The following CPEB3 variants were observed in gnomAD, a reference collection of about 807,000 sequenced individuals.
CPEB3 encodes cytoplasmic polyadenylation element-binding protein 3.
In CPEB3, 20 loss-of-function variants were observed where a neutral mutation model predicts 67.2. That is an observed-to-expected ratio of 0.30 (90% CI 0.21 to 0.43). The LOEUF (loss-of-function observed/expected upper bound fraction) is 0.43. Among genes scored for constraint, CPEB3 ranks in the 20% least tolerant of loss-of-function variants. The pLI is 1.00. For synonymous variants in CPEB3, 376 were observed against 393.1 expected, an observed-to-expected ratio of 0.96 and a Z score of 0.51; for missense variants, 746 against 968.6, an observed-to-expected ratio of 0.77 and a Z score of 3.05.
At chr10:92,125,563 G>C (rs1845573845) in intron 6 of CPEB3, among the ~76,000 whole-genome samples, 1 of 152,194 alleles carries the variant, frequency 6.6e-6, no homozygotes, top group South Asian at 2.1e-4. Context: ...AAGGCTCAGG[G>C]TGGACAGGCA....
chr10:92,131,999 T>A (rs1845865408), intron 6 of CPEB3, among the ~76,000 whole-genome samples: 1 of 152,224 alleles, frequency 6.6e-6, no homozygotes. Context: ...AATTTTAATA[T>A]CTTATTTAAT....
chr10:92,102,290 C>G (rs976275578), intron 7 of CPEB3, among the ~76,000 whole-genome samples: 2 of 152,322 alleles, frequency 1.3e-5, no homozygotes, highest in Admixed American at 6.5e-5. Flanking sequence ...AGCTGTAACT[C>G]TCACATTCAG....
chr10:92,264,067 G>A (rs889519357), intron 1 of CPEB3, among the ~76,000 whole-genome samples: 7 of 152,186 alleles, frequency 4.6e-5, no homozygotes, highest in African/African-American at 1.4e-4. Context: ...AGTGACTCAC[G>A]CCTATAATCC....
chr10:92,186,533 C>G (rs1406953264), intron 3 of CPEB3, among the ~76,000 whole-genome samples: 1 of 151,284 alleles, frequency 6.6e-6, no homozygotes, highest in Non-Finnish European at 1.5e-5. Flanking sequence ...CTCGTGGGTT[C>G]AAGCGATTCT....
At chr10:92,073,163 G>C (rs1018341463) in intron 9 of CPEB3, among the ~76,000 whole-genome samples, 1 of 149,284 alleles carries the variant, frequency 6.7e-6, no homozygotes, top group Non-Finnish European at 1.5e-5. Context: ...CCAGTCTCCC[G>C]GGTAGCTGTG....
chr10:92,249,944 C>T (rs1852223466), intron 1 of CPEB3, among the ~76,000 whole-genome samples: 1 of 150,520 alleles, frequency 6.6e-6, no homozygotes, highest in Non-Finnish European at 1.5e-5. Context: ...ATCGCTTGAA[C>T]TTGGGAGTCG....
At chr10:92,077,796 G>A (rs1842991630) in intron 9 of CPEB3, among the ~76,000 whole-genome samples, 1 of 149,234 alleles carries the variant, frequency 6.7e-6, no homozygotes, top group African/African-American at 2.5e-5. Flanking sequence ...GGGAGAGGAG[G>A]GGAAGAAAAT....
Position 92,118,829 on chromosome 10 carries a change from T to C in CPEB3, c.1454-7635A>G. The C allele has an allele frequency of 1.0e-5, 8 of 772,564 alleles. No individual in the cohort carries two copies. The South Asian group carries it at 1.1e-4, about 11-fold the overall frequency. The allele number at this position is 772,564 out of a possible 1,614,324, so 47.9% of individuals were successfully genotyped here. A position where few individuals can be genotyped will look rare whatever the true frequency, so the allele number is the denominator to read the frequency against. On this transcript the variant is annotated intron_variant, in intron 6 of 9. Transcript: ENST00000265997. ...TCCTGTATCTCCCCACGTCACTATC[T>C]ACAGTTGGTCTCTTCCCATGGCAAT...
At chr10:92,266,359 T>G (rs1853056535) in intron 1 of CPEB3, among the ~76,000 whole-genome samples, 1 of 152,188 alleles carries the variant, frequency 6.6e-6, no homozygotes, top group Non-Finnish European at 1.5e-5. Flanking sequence ...GGTATTGTTT[T>G]GCCTCTCCTT....
chr10:92,216,074 G>A (rs1436461146), intron 2 of CPEB3, among the ~76,000 whole-genome samples: 7 of 139,630 alleles, frequency 5.0e-5, no homozygotes, highest in East Asian at 2.1e-4. Context: ...AATAAGCGAA[G>A]ATATCAGATA....
rs769093026 is a variant in CPEB3 at position 92,143,057 on chromosome 10, A to G, written c.1425T>C (p.Ala475=). ...TAGGAGGAAAATAAGACTTGCTTTCAGCTTTGTGAGGCCAGTCTACTACGA... is the reference window on the plus strand; with the variant it reads ...TAGGAGGAAAATAAGACTTGCTTTCGGCTTTGTGAGGCCAGTCTACTACGA... The part of the protein sequence containing the change: ...GPLVVDWPHK[A]ESKSYFPPKG... Residue 475 remains alanine, a synonymous_variant, in exon 6 of 10, where the codon GCT becomes GCC. Coordinates refer to ENST00000265997, the MANE Select transcript of CPEB3 (RefSeq NM_014912.5). 1 of 1,613,652 alleles carries G rather than the reference A, an allele frequency of 6.2e-7. No individual in the cohort carries two copies. The highest frequency in any genetic ancestry group is 1.7e-5 in the Admixed American group (1 of 60,010).
intron 9 of CPEB3, among the ~76,000 whole-genome samples, chr10:92,075,341 G>A (rs1334398374): frequency 6.6e-6 from 1 of 152,024 alleles, no homozygotes; most frequent in Non-Finnish European, 1.5e-5. Flanking sequence ...CCACCATTCC[G>A]CTATTGTTAT....
rs1471733762 is a variant in CPEB3, at chr10:92,050,582, T to C, written c.*1630A>G. On this transcript the variant is annotated 3_prime_UTR_variant, in exon 10 of 10. Coordinates refer to ENST00000265997, the MANE Select transcript of CPEB3 (RefSeq NM_014912.5). ...GCTAGAAAAATGTCCACGCTAGTGC[T>C]AGCAGGCCTTCATTCTAGACCACGC... The C allele has an allele frequency of 6.6e-6, 1 of 152,276 alleles. No individual in the cohort carries two copies. Among genetic ancestry groups the C allele is most frequent in the African/African-American group, 2.4e-5 (1 of 41,442 alleles). The allele number at this position is 152,276 out of a possible 1,614,324, so 9.4% of individuals were successfully genotyped here.
At chr10:92,054,176 T>C (rs1842026408) in intron 9 of CPEB3, among the ~76,000 whole-genome samples, 1 of 152,088 alleles carries the variant, frequency 6.6e-6, no homozygotes, top group Non-Finnish European at 1.5e-5. Context: ...TATTAGCTGG[T>C]TGTGGTGGGA....
chr10:92,180,634 T>C (rs576927443), intron 4 of CPEB3, among the ~76,000 whole-genome samples: 5 of 152,368 alleles, frequency 3.3e-5, no homozygotes, highest in South Asian at 2.1e-4. Flanking sequence ...TGCAGAGCTA[T>C]AGTTTGCCAA....
intron 2 of CPEB3, among the ~76,000 whole-genome samples, chr10:92,196,049 A>G (rs1166378255): frequency 6.6e-6 from 1 of 152,238 alleles, no homozygotes; most frequent in Non-Finnish European, 1.5e-5. Context: ...CTAAATTGAA[A>G]TGGTTCCCAA....
At position 92,250,394 on chromosome 10, in the gene CPEB3, T is replaced by A. The variant is rs867155006; in HGVS notation, c.-11-10033A>T. Among the ~76,000 whole-genome samples the A allele has an allele frequency of 2.5e-3, 380 of 150,906 alleles. 2 individuals carry two copies. Among genetic ancestry groups the A allele is most frequent in the African/African-American group, 8.0e-3 (330 of 41,280 alleles). On this transcript the variant is annotated intron_variant, in intron 1 of 9. Coordinates refer to ENST00000265997, the MANE Select transcript of CPEB3 (RefSeq NM_014912.5). Reference sequence around the variant, plus strand: ...TGAGCCACTGTACCCGGCCAATTTTTAAAAAAAAAATTTAAAAGTTTAAAA... The same window carrying A: ...TGAGCCACTGTACCCGGCCAATTTTAAAAAAAAAAATTTAAAAGTTTAAAA...
intron 3 of CPEB3, among the ~76,000 whole-genome samples, chr10:92,181,369 A>C (rs1166961053): frequency 2.8e-5 from 1 of 35,192 alleles, no homozygotes. Flanking sequence ...TCAAGCAGCA[A>C]AAAAAAAAAA....
intron 9 of CPEB3, among the ~76,000 whole-genome samples, chr10:92,057,557 T>G (rs938536237): frequency 7.9e-5 from 12 of 152,222 alleles, no homozygotes; most frequent in African/African-American, 2.9e-4. Flanking sequence ...CAAGCCTGGC[T>G]GGCTTTGCCA....
Sources: allele counts gnomAD v4.1 joint callset (sites outside exome capture counted in the v4.1 genomes callset), GRCh38; gene constraint gnomAD v4.1.1; transcripts MANE v1.5; gene names NCBI Gene and HGNC (gene_info 2026-07-23, HGNC 2026-07-21).